Variants in TASP1 observed in about 807,000 individuals in gnomAD.
The protein encoded by TASP1 is threonine aspartase 1.
A neutral mutation model predicts 56.6 loss-of-function variants in TASP1; 16 were observed. The observed-to-expected ratio is 0.28, with a 90% CI of 0.19 to 0.43. The LOEUF (loss-of-function observed/expected upper bound fraction) is 0.43, where lower values mean the gene tolerates loss of function less well. Among genes scored for constraint, TASP1 ranks in the 20% least tolerant of loss-of-function variants. The pLI is 1.00. For missense variants in TASP1, 393 were observed against 511.6 expected (o/e 0.77, Z 2.24); for synonymous variants, 179 against 184.2 (o/e 0.97, Z 0.23).
At chr20:13,543,357 G>A (rs2045693473) in intron 8 of TASP1, among the ~76,000 whole-genome samples, 2 of 152,228 alleles carry the variant, frequency 1.3e-5, no homozygotes, top group Admixed American at 1.3e-4. Flanking sequence ...CCTACACTTT[G>A]GGAGGCCAAG....
chr20:13,495,195 G>A (rs1476072543), intron 10 of TASP1, among the ~76,000 whole-genome samples: 1 of 151,880 alleles, frequency 6.6e-6, no homozygotes, highest in Non-Finnish European at 1.5e-5. Flanking sequence ...ATTTATTGGG[G>A]TCATTTTGAT....
intron 10 of TASP1, among the ~76,000 whole-genome samples, chr20:13,505,309 T>G (rs1452744218): frequency 6.6e-6 from 1 of 152,122 alleles, no homozygotes; most frequent in Non-Finnish European, 1.5e-5. Flanking sequence ...AATAAAATAA[T>G]AGTAGAGAAC....
the TASP1 span, among the ~76,000 whole-genome samples, chr20:13,273,515 C>T: frequency 6.6e-6 from 1 of 152,114 alleles, no homozygotes; most frequent in East Asian, 1.9e-4. Flanking sequence ...GGATTATAGA[C>T]ATGAGTCACT....
intron 7 of TASP1, among the ~76,000 whole-genome samples, chr20:13,564,846 C>CA (rs891107868): frequency 1.8e-4 from 27 of 146,712 alleles, no homozygotes; most frequent in East Asian, 4.0e-4. Flanking sequence ...ACTAAAAATA[C>CA]AAAAAAAAAA....
chr20:13,549,455 C>T lies in TASP1; in HGVS notation c.675+9553G>A, dbSNP rs73268943. ...GTGTGTGTGTATGTGTGTGTGTGTACACACACATTTGGTTTTTTTAATGCA... is the reference window on the plus strand; with the variant it reads ...GTGTGTGTGTATGTGTGTGTGTGTATACACACATTTGGTTTTTTTAATGCA... On this transcript the variant is annotated intron_variant, in intron 8 of 13. Coordinates refer to ENST00000337743, the MANE Select transcript of TASP1 (RefSeq NM_017714.3). 6.8e-3 allele frequency among the ~76,000 whole-genome samples: 1,036 copies of T among 151,680 alleles called. 13 individuals are homozygous for T. The highest frequency in any genetic ancestry group is 0.024 in the African/African-American group (987 of 41,350).
chr20:13,138,283 A>G, the TASP1 span, among the ~76,000 whole-genome samples: 1 of 152,130 alleles, frequency 6.6e-6, no homozygotes, highest in African/African-American at 2.4e-5. Context: ...CTTTGGCCAC[A>G]TCTCCTCAAC....
the TASP1 span, among the ~76,000 whole-genome samples, chr20:13,141,551 A>T: frequency 1.3e-5 from 2 of 152,172 alleles, no homozygotes; most frequent in African/African-American, 4.8e-5. Flanking sequence ...AGGTCCCTCA[A>T]TGAAAACAAG....
At chr20:13,570,194 G>A (rs1425948874) in intron 6 of TASP1, among the ~76,000 whole-genome samples, 2 of 152,046 alleles carry the variant, frequency 1.3e-5, no homozygotes, top group Non-Finnish European at 2.9e-5. Context: ...TGGATAAAAG[G>A]ATATTGCTAG....
At chr20:13,267,258 T>A in the TASP1 span, among the ~76,000 whole-genome samples, 1 of 152,322 alleles carries the variant, frequency 6.6e-6, no homozygotes, top group Admixed American at 6.5e-5. Flanking sequence ...TAGCATTTCT[T>A]TATTACTTCC....
At chr20:13,301,574 C>T in the TASP1 span, among the ~76,000 whole-genome samples, 122,236 of 152,114 alleles carry the variant, frequency 0.8, 49,223 homozygotes, top group East Asian at 0.86. Flanking sequence ...TGTCTAATCA[C>T]GGAATGAGAA....
the TASP1 span, among the ~76,000 whole-genome samples, chr20:13,287,818 AC>A: frequency 6.6e-6 from 1 of 152,228 alleles, no homozygotes; most frequent in East Asian, 1.9e-4. Context: ...GCTACACGTA[AC>A]AAAATATCCC....
the TASP1 span, chr20:13,279,589 G>A: frequency 6.4e-7 from 1 of 1,573,216 alleles, no homozygotes; most frequent in Admixed American, 1.8e-5. Context: ...GTAGCTTGGA[G>A]GCTGTTGACT....
chr20:13,431,642 C>T (rs893592919), intron 12 of TASP1, among the ~76,000 whole-genome samples: 2 of 152,094 alleles, frequency 1.3e-5, no homozygotes, highest in Non-Finnish European at 2.9e-5. Flanking sequence ...AGGAGAAAAG[C>T]GAATGCTATA....
rs1210424108 is a variant in TASP1, at chr20:13,521,412, G to A, written c.874+7021C>T. ...ATGATAGACTGGATTAAGAAAATGT[G>A]GCACATATACACCATGGAATACTAT... On this transcript the variant is annotated intron_variant, in intron 10 of 13. Coordinates refer to ENST00000337743, the MANE Select transcript of TASP1 (RefSeq NM_017714.3). Among the ~76,000 whole-genome samples the A allele has an allele frequency of 4.6e-5, 7 of 152,038 alleles. No individual in the cohort carries two copies. The East Asian group carries it at 1.3e-3, about 29-fold the overall frequency.
chr20:13,239,143 G>C, the TASP1 span: 1 of 152,232 alleles, frequency 6.6e-6, no homozygotes, highest in Non-Finnish European at 1.5e-5. Flanking sequence ...CACAAAGAGA[G>C]TGAATCTAAA....
chr20:13,609,232 T>C (rs2048263461), intron 4 of TASP1, among the ~76,000 whole-genome samples: 1 of 152,024 alleles, frequency 6.6e-6, no homozygotes, highest in Non-Finnish European at 1.5e-5. Context: ...AAACCAAAAC[T>C]ACAAAGATTT....
the TASP1 span, among the ~76,000 whole-genome samples, chr20:13,361,249 C>G: frequency 1.1e-4 from 16 of 152,272 alleles, no homozygotes; most frequent in African/African-American, 2.6e-4. Context: ...TGGATAGGTA[C>G]AGGCCTTCCC....
At chr20:13,205,167 A>T in the TASP1 span, among the ~76,000 whole-genome samples, 1 of 152,036 alleles carries the variant, frequency 6.6e-6, no homozygotes. Context: ...CTCCATAGGG[A>T]TCTGACCCAT....
chr20:13,576,345 G>T (rs998192864), intron 6 of TASP1, among the ~76,000 whole-genome samples: 4 of 61,732 alleles, frequency 6.5e-5, no homozygotes, highest in Non-Finnish European at 1.3e-4. Flanking sequence ...AAGAAAGGAA[G>T]AAAGAAAGAA....
Sources: gnomAD v4.1 joint callset for allele counts (sites outside exome capture counted in the v4.1 genomes callset) on GRCh38, gnomAD v4.1.1 for gene constraint, MANE v1.5 for transcripts, NCBI Gene and HGNC (gene_info 2026-07-23, HGNC 2026-07-21) for gene names.